SCN1A: variants seen among roughly 807,000 people sequenced by gnomAD.
SCN1A encodes sodium channel protein type 1 subunit alpha.
Under a neutral mutation model 193.7 loss-of-function variants are expected in SCN1A, and 13 were observed. That is an observed-to-expected ratio of 0.07 (90% CI 0.04 to 0.11). SCN1A has a LOEUF of 0.11. Among genes scored for constraint, SCN1A ranks in the 10% least tolerant of loss-of-function variants. The pLI, the probability that SCN1A is intolerant of heterozygous loss-of-function variation, is 1.00. For missense variants in SCN1A, 1,432 were observed against 2,451.1 expected, an observed-to-expected ratio of 0.58 and a Z score of 8.78; for synonymous variants, 781 against 843.6, an observed-to-expected ratio of 0.93 and a Z score of 1.29.
chr2:166,013,987 T>C (rs1216312481), intron 20 of SCN1A, 89 bp from the exon 21 acceptor site: 10 of 1,439,316 alleles, frequency 6.9e-6, no homozygotes, highest in Non-Finnish European at 9.7e-6. Context: ...TTTTTATTAC[T>C]ATGCTCATCT....
At chr2:166,103,681 G>A (rs1688385985) in intron 2 of SCN1A, among the ~76,000 whole-genome samples, 1 of 152,098 alleles carries the variant, frequency 6.6e-6, no homozygotes, top group South Asian at 2.1e-4. Context: ...AAAGGACTGA[G>A]GACATGTGAG....
rs200466227 is a variant in SCN1A at position 166,102,524 on chromosome 2, GA to G, written c.-142+24399del. Among the ~76,000 whole-genome samples, 400 of 118,442 alleles carry G rather than the reference GA, an allele frequency of 3.4e-3. 1 individual carries two copies. Among genetic ancestry groups the G allele is most frequent in the South Asian group, 4.7e-3 (16 of 3,418 alleles). 77.7% of individuals were successfully genotyped at this position (118,442 alleles called of 152,430 possible). On this transcript the variant is annotated intron_variant, in intron 2 of 28. Coordinates refer to ENST00000674923, the MANE Select transcript of SCN1A (RefSeq NM_001165963.4). ...TCAAAAAAAAAAAAAAGAAAAAAAA[GA>G]AAAAAAAAAAGTCAGAAAATAACAG...
At chr2:166,096,200 T>C (rs1351345431) in intron 2 of SCN1A, among the ~76,000 whole-genome samples, 9 of 152,210 alleles carry the variant, frequency 5.9e-5, no homozygotes, top group African/African-American at 2.2e-4. Flanking sequence ...TACTATCAAC[T>C]GACACTGAAA....
At chr2:166,040,738 A>G (rs1531378) in intron 16 of SCN1A, among the ~76,000 whole-genome samples, 112,108 of 152,006 alleles carry the variant, frequency 0.74, 41,734 homozygotes, top group East Asian at 0.89. Context: ...ATGTACTGGA[A>G]GTTTTCAATA....
In SCN1A at chr2:165,987,564, A is replaced by G. The variant is rs1375876992; in HGVS notation, c.*3681T>C. The G allele has an allele frequency of 6.6e-6, 1 of 152,126 alleles. No individual in the cohort carries two copies. The highest frequency in any genetic ancestry group is 1.5e-5 in the Non-Finnish European group (1 of 68,014). The allele number at this position is 152,126 out of a possible 1,614,324, so 9.4% of individuals were successfully genotyped here. On this transcript the variant is annotated 3_prime_UTR_variant, in exon 29 of 29. Coordinates refer to ENST00000674923, the MANE Select transcript of SCN1A (RefSeq NM_001165963.4). ...AACAGATTTGTACTTTTCCTTATTT[A>G]CTTACATCAGTATGTATTTGCTGAT...
chr2:166,071,050 G>A (rs2105970471), intron 4 of SCN1A, among the ~76,000 whole-genome samples: 1 of 152,242 alleles, frequency 6.6e-6, no homozygotes, highest in Non-Finnish European at 1.5e-5. Context: ...CATATCCCAA[G>A]AGCAGCCTCT....
Position 166,043,383 on chromosome 2 carries a change from A to C in SCN1A, c.2043+286T>G, listed in dbSNP as rs904450295. Among the ~76,000 whole-genome samples the C allele has an allele frequency of 2.6e-5, 4 of 152,372 alleles. No individual in the cohort carries two copies. In the East Asian group the frequency reaches 7.7e-4, roughly 29 times the overall value. ...CCAGAGCCTTGGAGAATGTCCTGCTATCTAAATTCAGTGTGGGTATATAGC... is the reference window on the plus strand; with the variant it reads ...CCAGAGCCTTGGAGAATGTCCTGCTCTCTAAATTCAGTGTGGGTATATAGC... On this transcript the variant is annotated intron_variant, in intron 14 of 28. Coordinates refer to ENST00000674923, the MANE Select transcript of SCN1A (RefSeq NM_001165963.4).
chr2:166,111,455 T>A (rs538377834), intron 2 of SCN1A, among the ~76,000 whole-genome samples: 2 of 152,044 alleles, frequency 1.3e-5, no homozygotes, highest in Non-Finnish European at 2.9e-5. Context: ...AAAAAAAGAT[T>A]CCATTCAAAA....
intron 19 of SCN1A, chr2:166,016,565 A>G (rs1207637921): frequency 1.3e-5 from 2 of 152,046 alleles, no homozygotes; most frequent in East Asian, 3.9e-4. Context: ...TGGCAGAGAT[A>G]ATAGAAAATA....
chr2:166,088,149 C>T (rs1329311453), intron 2 of SCN1A, among the ~76,000 whole-genome samples: 1 of 151,892 alleles, frequency 6.6e-6, no homozygotes, highest in East Asian at 1.9e-4. Context: ...AATTGGTCAA[C>T]CACCCATCAC....
At chr2:166,063,765 A>G (rs936980340) in intron 4 of SCN1A, among the ~76,000 whole-genome samples, 2 of 152,180 alleles carry the variant, frequency 1.3e-5, no homozygotes, top group East Asian at 1.9e-4. Context: ...CTTTAACCCA[A>G]CATATCTGAA....
intron 2 of SCN1A, among the ~76,000 whole-genome samples, chr2:166,116,915 T>C (rs1689933054): frequency 6.6e-6 from 1 of 152,208 alleles, no homozygotes; most frequent in Admixed American, 6.5e-5. Flanking sequence ...CTTGGCTAAG[T>C]TATGCAGGTC....
chr2:166,139,866 G>A (rs1692011512), intron 1 of SCN1A, among the ~76,000 whole-genome samples: 1 of 152,128 alleles, frequency 6.6e-6, no homozygotes, highest in African/African-American at 2.4e-5. Flanking sequence ...AATTCAAGAT[G>A]AGATTTGAGT....
chr2:166,144,555 T>G (rs866409137), intron 1 of SCN1A, among the ~76,000 whole-genome samples: 21 of 151,132 alleles, frequency 1.4e-4, no homozygotes, highest in Middle Eastern at 6.8e-3. Context: ...TACGAATAAA[T>G]GTATGATAAG....
chr2:166,098,815 A>G (rs1418889926), intron 2 of SCN1A, among the ~76,000 whole-genome samples: 1 of 152,180 alleles, frequency 6.6e-6, no homozygotes, highest in Non-Finnish European at 1.5e-5. Context: ...GAGATGAAAG[A>G]TCTCTACAAC....
intron 15 of SCN1A, 42 bp downstream of exon 15, chr2:166,042,250 T>A (rs1574208146): frequency 1.3e-6 from 2 of 1,590,842 alleles, no homozygotes; most frequent in Admixed American, 1.7e-5. Context: ...CAATATAAGT[T>A]TGGTGAAAAT....
chr2:165,998,691 A>G lies in SCN1A; in HGVS notation c.4339-516T>C, dbSNP rs148388116. Reference sequence around the variant, plus strand: ...CCATTTTATAAATCCTCAGTTGATTATTTAATTCCTAGATTGTGCTTAAAA... The same window carrying G: ...CCATTTTATAAATCCTCAGTTGATTGTTTAATTCCTAGATTGTGCTTAAAA... On this transcript the variant is annotated intron_variant, in intron 25 of 28. Coordinates refer to ENST00000674923, the MANE Select transcript of SCN1A (RefSeq NM_001165963.4). Among the ~76,000 whole-genome samples, 1,204 of 151,454 alleles carry G rather than the reference A, an allele frequency of 7.9e-3. 22 individuals carry two copies. Among genetic ancestry groups the G allele is most frequent in the African/African-American group, 0.027 (1,114 of 41,484 alleles).
intron 19 of SCN1A, among the ~76,000 whole-genome samples, chr2:166,020,921 C>T (rs780169079): frequency 6.6e-6 from 1 of 152,056 alleles, no homozygotes; most frequent in Admixed American, 6.5e-5. Context: ...CATGCTGGAA[C>T]AAGGCACCTA....
chr2:166,114,843 C>T (rs1189888760), intron 2 of SCN1A, among the ~76,000 whole-genome samples: 1 of 151,792 alleles, frequency 6.6e-6, no homozygotes, highest in East Asian at 1.9e-4. Flanking sequence ...CATAGGAATC[C>T]CATTATTCAA....
Sources: allele counts gnomAD v4.1 joint callset (sites outside exome capture counted in the v4.1 genomes callset), GRCh38; gene constraint gnomAD v4.1.1; transcripts MANE v1.5; gene names NCBI Gene and HGNC (gene_info 2026-07-23, HGNC 2026-07-21).